PPFIA1: variants seen among roughly 807,000 people sequenced by gnomAD.
PPFIA1 encodes liprin-alpha-1.
Under a neutral mutation model 149.9 loss-of-function variants are expected in PPFIA1, and 25 were observed. The observed-to-expected ratio is 0.17, with a 90% confidence interval of 0.12 to 0.23. The LOEUF (loss-of-function observed/expected upper bound fraction) is 0.23. Ranked by LOEUF, PPFIA1 falls within the 10% of genes least tolerant of loss-of-function variation. The probability of loss-of-function intolerance (pLI) is 1.00; values close to 1 mark genes in which losing one functional copy is unlikely to be tolerated. For missense variants in PPFIA1, 1,362 were observed against 1,506.5 expected, an observed-to-expected ratio of 0.90 and a Z score of 1.59; for synonymous variants, 549 against 552.8, an observed-to-expected ratio of 0.99 and a Z score of 0.10.
chr11:70,345,020 C>T (rs1485627757), intron 15 of PPFIA1, among the ~76,000 whole-genome samples: 75 of 151,352 alleles, frequency 5.0e-4, no homozygotes, highest in African/African-American at 1.7e-3. Context: ...AACTGGCCAC[C>T]GGGGCTGCTC....
intron 2 of PPFIA1, among the ~76,000 whole-genome samples, chr11:70,277,060 A>ATAATATATATATATATATATATATATAT: frequency 6.0e-5 from 4 of 66,326 alleles, no homozygotes; most frequent in African/African-American, 3.5e-4. Context: ...ATATATATAT[A>ATAATATATATATATATATATATATATAT]TTTTTTTTTT....
chr11:70,309,320 C>T (rs1675363268), intron 2 of PPFIA1, among the ~76,000 whole-genome samples: 1 of 152,120 alleles, frequency 6.6e-6, no homozygotes. Flanking sequence ...CAGGCATGTG[C>T]CACCACACCT....
intron 15 of PPFIA1, among the ~76,000 whole-genome samples, chr11:70,344,272 C>T (rs139272212): frequency 1.3e-5 from 2 of 152,202 alleles, no homozygotes; most frequent in Admixed American, 6.5e-5. Flanking sequence ...GGAGGCTGAT[C>T]GGCCTACCTT....
At chr11:70,376,646 A>C in intron 25 of PPFIA1, 46 bp downstream of exon 25, 1 of 1,408,096 alleles carries the variant, frequency 7.1e-7, no homozygotes, top group South Asian at 1.2e-5. Context: ...AATGTGTGTA[A>C]ATGTTTAAAT....
rs1317856169 is a variant in PPFIA1 at position 70,372,230 on chromosome 11, G to T, written c.2881G>T (p.Asp961Tyr). The change falls in exon 22 of 28, where the codon GAC (aspartate) becomes TAC (tyrosine). Residue 961 changes from aspartate to tyrosine, a missense_variant. By Grantham distance (160) the Asp-to-Tyr change is radical (BLOSUM62 -3). Coordinates refer to ENST00000253925, the MANE Select transcript of PPFIA1 (RefSeq NM_003626.5). ...PTSRTTLAYG[D>Y]MNHEWIGNEW... The stretch of plus-strand genomic sequence containing the variant: ...TGAAAAGCAGACACTCGCCTATGGG[G>T]ACATGAACCACGAGTGGATCGGCAA... 1 of 1,613,826 alleles carries T rather than the reference G, an allele frequency of 6.2e-7. No homozygotes were observed. Among genetic ancestry groups the T allele is most frequent in the East Asian group, 2.2e-5 (1 of 44,880 alleles).
intron 2 of PPFIA1, among the ~76,000 whole-genome samples, chr11:70,278,473 T>C (rs2050551151): frequency 6.6e-6 from 1 of 152,232 alleles, no homozygotes; most frequent in Non-Finnish European, 1.5e-5. Flanking sequence ...CTTTTGGTGT[T>C]ATTGTTGTCC....
rs1303299451 is a variant in PPFIA1, at chr11:70,337,369, C to G, written c.1433C>G (p.Ser478Cys). The G allele has an allele frequency of 1.3e-6, 2 of 1,587,390 alleles. No individual in the cohort carries two copies. Among genetic ancestry groups the G allele is most frequent in the East Asian group, 4.5e-5 (2 of 43,992 alleles). The change falls in exon 12 of 28, where the codon TCT becomes TGT. Residue 478 changes from serine to cysteine, a missense_variant. Physicochemically the swap from Ser to Cys is moderately radical, Grantham distance 112 (BLOSUM62 -1). Around this residue, in one of 7 missense-constraint regions of PPFIA1, gnomAD observed 733 missense variants for 744.1 expected, o/e 0.99. Coordinates refer to ENST00000253925, the MANE Select transcript of PPFIA1 (RefSeq NM_003626.5). ...GGACTATCTGTCTTTTTTCAGAACT[C>G]TCTTTTAAGAGAAGTTGAAAGTGCA... ...ERMAALEDKN[S>C]LLREVESAKK...
In PPFIA1 at chr11:70,383,087, C is replaced by A; in HGVS notation, c.*97C>A. 2.4e-6 allele frequency: 1 copy of A among 410,914 alleles called. No homozygotes were observed. The highest frequency in any genetic ancestry group is 4.7e-6 in the Non-Finnish European group (1 of 213,508). 25.5% of individuals were successfully genotyped at this position (410,914 alleles called of 1,614,324 possible). A position where few individuals can be genotyped will look rare whatever the true frequency, so the allele number is the denominator to read the frequency against. Reference sequence around the variant, plus strand: ...TTTGGAATCCAGTGGAATCTTTAATCTTGTTAATACTTGTTATATGGACCC... The same window carrying A: ...TTTGGAATCCAGTGGAATCTTTAATATTGTTAATACTTGTTATATGGACCC... On this transcript the variant is annotated 3_prime_UTR_variant, in exon 28 of 28. Transcript: ENST00000253925.
rs763545367 is a variant in PPFIA1 at position 70,339,257 on chromosome 11, G to A, written c.1658G>A (p.Arg553Gln). The change falls in exon 14 of 28, where the codon CGG (arginine) becomes CAG (glutamine). Residue 553 changes from arginine to glutamine, a missense_variant. Physicochemically the swap from Arg to Gln is conservative, Grantham distance 43. This residue lies in a region of PPFIA1 where 733 missense variants were observed against 744.1 expected (regional missense o/e 0.99). Coordinates refer to ENST00000253925, the MANE Select transcript of PPFIA1 (RefSeq NM_003626.5). ...TDSYSTSAVL[R>Q]RPQKGRLAAL... ...TCCTACAGCACCAGTGCAGTGCTGC[G>A]GCGCCCACAGAAAGGCCGGCTGGCA... is the stretch of plus-strand genomic sequence containing the variant. The A allele has an allele frequency of 6.8e-6, 11 of 1,613,988 alleles. No homozygotes were observed. Among genetic ancestry groups the A allele is most frequent in the Non-Finnish European group, 9.3e-6 (11 of 1,179,984 alleles).
chr11:70,279,017 A>T, intron 2 of PPFIA1: 1 of 530,286 alleles, frequency 1.9e-6, no homozygotes, highest in Non-Finnish European at 3.6e-6. Flanking sequence ...CCAATTCTTT[A>T]TCTCCACGAA....
intron 21 of PPFIA1, among the ~76,000 whole-genome samples, chr11:70,369,260 A>G (rs192886165): frequency 8.4e-4 from 128 of 152,094 alleles, no homozygotes; most frequent in African/African-American, 2.5e-3. Flanking sequence ...TTTTTTTTCA[A>G]TCTCTTCATA....
chr11:70,274,923 T>C (rs2050296870), intron 2 of PPFIA1, among the ~76,000 whole-genome samples: 1 of 152,228 alleles, frequency 6.6e-6, no homozygotes, highest in South Asian at 2.1e-4. Flanking sequence ...TTTACCATGT[T>C]GCCCAGGCCG....
rs551460128 is a variant in PPFIA1 at position 70,275,442 on chromosome 11, C to T, written c.264+3006C>T. Among the ~76,000 whole-genome samples, 6 of 152,152 alleles carry T rather than the reference C, an allele frequency of 3.9e-5. No individual in the cohort carries two copies. The South Asian group carries it at 1.2e-3, about 32-fold the overall frequency. ...AGAAGTGTAAAATTTTTAATGTAGC[C>T]CAGTTGATCCATCTTTTCAGTAATG... is the stretch of plus-strand genomic sequence containing the variant. On this transcript the variant is annotated intron_variant, in intron 2 of 27. Coordinates refer to ENST00000253925, the MANE Select transcript of PPFIA1 (RefSeq NM_003626.5).
chr11:70,344,001 C>A, intron 15 of PPFIA1, 109 bp downstream of exon 15: 2 of 976,978 alleles, frequency 2.0e-6, no homozygotes, highest in Non-Finnish European at 3.0e-6. Flanking sequence ...CTAAGTATTA[C>A]ATAATAATAG....
chr11:70,347,438 C>T (rs2055776290), intron 15 of PPFIA1, among the ~76,000 whole-genome samples: 1 of 152,164 alleles, frequency 6.6e-6, no homozygotes, highest in Non-Finnish European at 1.5e-5. Flanking sequence ...GTGGCTCATG[C>T]CAGTAATCCC....
intron 2 of PPFIA1, among the ~76,000 whole-genome samples, chr11:70,319,119 C>T (rs934695164): frequency 6.6e-6 from 1 of 152,248 alleles, no homozygotes; most frequent in African/African-American, 2.4e-5. Flanking sequence ...TTCCCGTAGT[C>T]ACTCCCTTCT....
chr11:70,277,567 T>C (rs2050486801), intron 2 of PPFIA1, among the ~76,000 whole-genome samples: 1 of 152,012 alleles, frequency 6.6e-6, no homozygotes, highest in African/African-American at 2.4e-5. Context: ...CTTGGCGCAC[T>C]GCAACCTCCA....
At chr11:70,363,218 G>A (rs1255105717) in intron 21 of PPFIA1, 1 of 152,200 alleles carries the variant, frequency 6.6e-6, no homozygotes, top group Non-Finnish European at 1.5e-5. Flanking sequence ...TTGAAAAATG[G>A]GATCTGACCA....
chr11:70,368,036 G>C (rs564042149), intron 21 of PPFIA1, among the ~76,000 whole-genome samples: 1 of 152,146 alleles, frequency 6.6e-6, no homozygotes, highest in South Asian at 2.1e-4. Context: ...TGTTTGGGAG[G>C]CTTAGGCTGG....
Sources: allele counts gnomAD v4.1 joint callset (sites outside exome capture counted in the v4.1 genomes callset), GRCh38; gene constraint gnomAD v4.1.1; regional missense constraint gnomAD v4.1.1; transcripts MANE v1.5; gene names NCBI Gene and HGNC (gene_info 2026-07-23, HGNC 2026-07-21).